PEX14: variants seen among roughly 807,000 people sequenced by gnomAD.
The protein encoded by PEX14 is peroxisomal membrane protein PEX14.
A neutral mutation model predicts 49.5 loss-of-function variants in PEX14; 15 were observed. The observed-to-expected ratio is 0.30, with a 90% CI of 0.20 to 0.47. The LOEUF (loss-of-function observed/expected upper bound fraction) is 0.47. PEX14 is among the 20% of genes least tolerant of loss of function. The probability of loss-of-function intolerance (pLI) is 1.00; values close to 1 mark genes in which losing one functional copy is unlikely to be tolerated. For synonymous variants in PEX14, 210 were observed against 212.7 expected (o/e 0.99, Z 0.11); for missense variants, 398 against 494.8 (o/e 0.80, Z 1.86).
intron 3 of PEX14, among the ~76,000 whole-genome samples, chr1:10,593,353 G>A (rs564438583): frequency 4.6e-5 from 7 of 152,162 alleles, no homozygotes; most frequent in East Asian, 1.9e-4. Flanking sequence ...TCTGCCTAAC[G>A]ATTTCTAGAA....
At chr1:10,507,640 C>A (rs1641807116) in intron 2 of PEX14, among the ~76,000 whole-genome samples, 1 of 152,162 alleles carries the variant, frequency 6.6e-6, no homozygotes, top group Admixed American at 6.5e-5. Flanking sequence ...GCTTGTTGTT[C>A]TGTCTCTTGC....
intron 3 of PEX14, among the ~76,000 whole-genome samples, chr1:10,560,757 G>T (rs1292648125): frequency 1.5e-5 from 2 of 133,176 alleles, no homozygotes; most frequent in Non-Finnish European, 3.1e-5. Context: ...TTGCTCTGTC[G>T]CCCAGGTTGG....
At chr1:10,577,287 C>T (rs1640144150) in intron 3 of PEX14, among the ~76,000 whole-genome samples, 2 of 148,312 alleles carry the variant, frequency 1.3e-5, no homozygotes, top group South Asian at 4.4e-4. Context: ...ATCCCAGCTA[C>T]TTGGGAGGCT....
intron 3 of PEX14, among the ~76,000 whole-genome samples, chr1:10,554,303 CA>C (rs61712771): frequency 6.2e-4 from 75 of 121,828 alleles, no homozygotes; most frequent in African/African-American, 2.1e-3. Flanking sequence ...GACTCCGTCT[CA>C]AAAAAAAAAA....
intron 7 of PEX14, among the ~76,000 whole-genome samples, chr1:10,624,918 T>C (rs1428547129): frequency 6.6e-6 from 1 of 152,050 alleles, no homozygotes; most frequent in Non-Finnish European, 1.5e-5. Flanking sequence ...AGACTCAGGT[T>C]CCATGGGTTC....
intron 2 of PEX14, among the ~76,000 whole-genome samples, chr1:10,502,139 G>C (rs1228792620): frequency 6.6e-6 from 1 of 152,086 alleles, no homozygotes; most frequent in Non-Finnish European, 1.5e-5. Context: ...ACTTTTCAGA[G>C]AGGAAAAAAG....
chr1:10,524,194 C>T (rs1638395436), intron 2 of PEX14, among the ~76,000 whole-genome samples: 2 of 152,048 alleles, frequency 1.3e-5, no homozygotes, highest in East Asian at 3.8e-4. Flanking sequence ...TGTGTTTAAA[C>T]AGGCAAGAAG....
intron 1 of PEX14, among the ~76,000 whole-genome samples, chr1:10,479,519 C>G (rs1396409559): frequency 6.6e-6 from 1 of 152,244 alleles, no homozygotes; most frequent in Non-Finnish European, 1.5e-5. Flanking sequence ...AACGTTATCT[C>G]TATTTCCCAA....
At chr1:10,524,957 C>T (rs2124461723) in intron 2 of PEX14, among the ~76,000 whole-genome samples, 1 of 152,370 alleles carries the variant, frequency 6.6e-6, no homozygotes, top group African/African-American at 2.4e-5. Flanking sequence ...TCCCAAAGTG[C>T]TGAATTATAG....
intron 4 of PEX14, among the ~76,000 whole-genome samples, chr1:10,614,582 G>A (rs954583220): frequency 2.6e-5 from 4 of 152,228 alleles, no homozygotes; most frequent in Non-Finnish European, 1.5e-5. Context: ...CTCATGGCGG[G>A]ATGTTTGCGG....
At chr1:10,482,249 C>T (rs1641293976) in intron 1 of PEX14, among the ~76,000 whole-genome samples, 1 of 152,084 alleles carries the variant, frequency 6.6e-6, no homozygotes, top group Admixed American at 6.6e-5. Context: ...CTGCCTCAGC[C>T]TCCTGAGTAA....
intron 3 of PEX14, among the ~76,000 whole-genome samples, chr1:10,577,586 T>G (rs1228268281): frequency 1.2e-3 from 24 of 20,298 alleles, no homozygotes; most frequent in African/African-American, 3.9e-3. Flanking sequence ...TTTTTTTTTT[T>G]TTTTTTTTTT....
chr1:10,542,318 C>T (rs190463572), intron 3 of PEX14, among the ~76,000 whole-genome samples: 19 of 152,294 alleles, frequency 1.2e-4, no homozygotes, highest in Admixed American at 1.0e-3. Context: ...AACACGAATG[C>T]TTTCTAAATA....
At chr1:10,622,198 C>A (rs562672984) in intron 5 of PEX14, among the ~76,000 whole-genome samples, 1 of 152,300 alleles carries the variant, frequency 6.6e-6, no homozygotes, top group African/African-American at 2.4e-5. Context: ...CCTTCCTGAA[C>A]GGCTCCTTCG....
At chr1:10,552,333 T>A (rs1408910702) in intron 3 of PEX14, among the ~76,000 whole-genome samples, 1 of 152,152 alleles carries the variant, frequency 6.6e-6, no homozygotes, top group Non-Finnish European at 1.5e-5. Context: ...TCCCAGTTAC[T>A]CAGGAGGCTG....
intron 3 of PEX14, among the ~76,000 whole-genome samples, chr1:10,586,071 G>C (rs1640475766): frequency 6.6e-6 from 1 of 152,106 alleles, no homozygotes; most frequent in Non-Finnish European, 1.5e-5. Context: ...TATCATAATG[G>C]GACGTTTCAA....
rs59902499 is a variant in PEX14, at chr1:10,601,130, C to T, written c.298+1764C>T. Among the ~76,000 whole-genome samples the T allele has an allele frequency of 4.3e-3, 651 of 152,114 alleles. 6 individuals are homozygous for T. The highest frequency in any genetic ancestry group is 0.015 in the African/African-American group (610 of 41,506). ...TACAAAAATTAGCTGGGCATGGTGG[C>T]GGGTGCTTGTAATCCCAGCTACTCA... On this transcript the variant is annotated intron_variant, in intron 4 of 8. Transcript: ENST00000356607.
Position 10,630,240 on chromosome 1 carries a change from G to A in PEX14, c.*253G>A, listed in dbSNP as rs372586621. On this transcript the variant is annotated 3_prime_UTR_variant, in exon 9 of 9. Transcript: ENST00000356607. The surrounding 1 kb of genome is among the most constrained non-coding windows in gnomAD (Gnocchi z 4.1). ...CAGCTGCCTTTGGCTTTGATCTCAAGTCAGGCTGAAGGCAGCGAAGCCTCG... is the reference window on the plus strand; with the variant it reads ...CAGCTGCCTTTGGCTTTGATCTCAAATCAGGCTGAAGGCAGCGAAGCCTCG... 129 of 609,604 alleles carry A rather than the reference G, an allele frequency of 2.1e-4. 1 individual carries two copies. The highest frequency in any genetic ancestry group is 1.5e-3 in the African/African-American group (78 of 53,312). The allele number at this position is 609,604 out of a possible 1,614,324, so 37.8% of individuals were successfully genotyped here.
rs1641545205 is a variant in PEX14, at chr1:10,495,580, T to C, written c.84+259T>C. Among the ~76,000 whole-genome samples the C allele has an allele frequency of 1.3e-5, 2 of 152,188 alleles. No individual in the cohort carries two copies. Among genetic ancestry groups the C allele is most frequent in the South Asian group, 4.1e-4 (2 of 4,834 alleles). Reference sequence around the variant, plus strand: ...GGTCCTGCACCACTTTGTTTGTGGCTGATCAATAGTAATTAGTGAGATTCC... The same window carrying C: ...GGTCCTGCACCACTTTGTTTGTGGCCGATCAATAGTAATTAGTGAGATTCC... On this transcript the variant is annotated intron_variant, in intron 2 of 8. Coordinates refer to ENST00000356607, the MANE Select transcript of PEX14 (RefSeq NM_004565.3). The surrounding 1 kb of genome is among the most constrained non-coding windows in gnomAD (Gnocchi z 4.2).
Sources: gnomAD v4.1 joint callset for allele counts (sites outside exome capture counted in the v4.1 genomes callset) on GRCh38, gnomAD v4.1.1 for gene constraint, Gnocchi (gnomAD v3.1) non-coding constraint, MANE v1.5 for transcripts, NCBI Gene and HGNC (gene_info 2026-07-23, HGNC 2026-07-21) for gene names.